ROBO2: variants seen among roughly 807,000 people sequenced by gnomAD.
ROBO2 encodes roundabout guidance receptor 2.
ROBO2 carries 53 observed loss-of-function variants against 160.8 expected under a neutral mutation model. The ratio of observed to expected loss-of-function variants is 0.33; its 90% confidence interval spans 0.26 to 0.41. The LOEUF (loss-of-function observed/expected upper bound fraction) is 0.41. ROBO2 is among the 10% of genes least tolerant of loss of function. The probability of loss-of-function intolerance (pLI) is 1.00; values close to 1 mark genes in which losing one functional copy is unlikely to be tolerated. For missense variants in ROBO2, 1,577 were observed against 1,722.4 expected (o/e 0.92, Z 1.49); for synonymous variants, 664 against 611.7 (o/e 1.09, Z -1.26).
intron 2 of ROBO2, among the ~76,000 whole-genome samples, chr3:76,596,557 A>C (rs911954246): frequency 1.3e-5 from 2 of 152,134 alleles, no homozygotes; most frequent in Admixed American, 1.3e-4. Flanking sequence ...TGTTAAATGT[A>C]GGTGGCAATC....
chr3:77,475,369 C>T (rs925933877), intron 2 of ROBO2, among the ~76,000 whole-genome samples: 3 of 152,016 alleles, frequency 2.0e-5, no homozygotes, highest in Non-Finnish European at 4.4e-5. Context: ...GAGTACCAGT[C>T]CTTATAGTTT....
chr3:77,419,536 CAG>C (rs2077533118), intron 2 of ROBO2, among the ~76,000 whole-genome samples: 1 of 152,110 alleles, frequency 6.6e-6, no homozygotes, highest in Admixed American at 6.6e-5. Flanking sequence ...AGTGCAATGA[CAG>C]AGGAAATGGA....
intron 2 of ROBO2, among the ~76,000 whole-genome samples, chr3:75,964,080 C>T (rs1380314743): frequency 2.0e-5 from 3 of 151,724 alleles, no homozygotes; most frequent in Non-Finnish European, 4.4e-5. Flanking sequence ...CCAGGTTAAT[C>T]ATGTTACTCA....
intron 2 of ROBO2, among the ~76,000 whole-genome samples, chr3:77,002,261 G>A (rs1177499316): frequency 1.3e-5 from 2 of 151,634 alleles, no homozygotes; most frequent in East Asian, 1.9e-4. Flanking sequence ...ATTTATTAAT[G>A]TTATTAGTGT....
chr3:76,627,922 A>T (rs2089764580), intron 2 of ROBO2, among the ~76,000 whole-genome samples: 1 of 152,184 alleles, frequency 6.6e-6, no homozygotes, highest in Non-Finnish European at 1.5e-5. Context: ...TAATCCTAAA[A>T]CTAAGTCTAG....
intron 2 of ROBO2, among the ~76,000 whole-genome samples, chr3:77,022,170 G>A (rs775324428): frequency 2.0e-5 from 3 of 152,334 alleles, no homozygotes; most frequent in Non-Finnish European, 4.4e-5. Context: ...AGGGGTTTGA[G>A]ACCCGCCTGG....
intron 2 of ROBO2, among the ~76,000 whole-genome samples, chr3:76,180,146 C>G (rs1270562785): frequency 1.3e-5 from 2 of 152,066 alleles, no homozygotes; most frequent in Non-Finnish European, 2.9e-5. Context: ...TTGTGAATGC[C>G]CCAACAAGTT....
At chr3:77,151,263 G>C (rs1418723427) in intron 2 of ROBO2, among the ~76,000 whole-genome samples, 1 of 151,960 alleles carries the variant, frequency 6.6e-6, no homozygotes, top group African/African-American at 2.4e-5. Context: ...CAACATTAGA[G>C]CCAAAAATAG....
chr3:76,710,322 T>C (rs2093266330), intron 2 of ROBO2, among the ~76,000 whole-genome samples: 1 of 152,160 alleles, frequency 6.6e-6, no homozygotes, highest in South Asian at 2.1e-4. Context: ...GGTTTCACCA[T>C]GTTGGCCAGG....
intron 2 of ROBO2, among the ~76,000 whole-genome samples, chr3:76,247,997 G>T (rs1051578992): frequency 6.6e-6 from 1 of 151,858 alleles, no homozygotes; most frequent in Non-Finnish European, 1.5e-5. Flanking sequence ...AACAACAGGT[G>T]CTGGAGAGGA....
intron 2 of ROBO2, among the ~76,000 whole-genome samples, chr3:76,081,819 A>G (rs913355037): frequency 3.3e-5 from 5 of 149,332 alleles, no homozygotes; most frequent in Non-Finnish European, 5.9e-5. Context: ...GGAATACAAA[A>G]TGGCACATGT....
chr3:77,602,975 G>C, intron 20 of ROBO2: 1 of 456,834 alleles, frequency 2.2e-6, no homozygotes, highest in Non-Finnish European at 4.4e-6. Context: ...CTGAGGGATT[G>C]TCTAATAGAA....
intron 2 of ROBO2, among the ~76,000 whole-genome samples, chr3:76,558,809 A>G (rs1206828028): frequency 2.6e-5 from 4 of 152,176 alleles, no homozygotes; most frequent in Non-Finnish European, 5.9e-5. Flanking sequence ...TAACAGAATA[A>G]ATCAGTTTGT....
rs368214231 is a variant in ROBO2, at chr3:76,618,654, C to A, written c.110-479360C>A. On this transcript the variant is annotated intron_variant, in intron 2 of 26. Transcript: ENST00000487694. ...TGTTTAGCTTTCTCATATGTGTATT[C>A]TTTTAAAATATTAGAGCATTTCTCT... Among the ~76,000 whole-genome samples, 95 of 151,572 alleles carry A rather than the reference C, an allele frequency of 6.3e-4. 1 individual carries two copies. In the South Asian group the frequency reaches 6.4e-3, roughly 10 times the overall value.
At chr3:76,668,223 T>C (rs1453403983) in intron 2 of ROBO2, among the ~76,000 whole-genome samples, 2 of 151,470 alleles carry the variant, frequency 1.3e-5, no homozygotes, top group African/African-American at 4.9e-5. Context: ...CCTCAGCTTC[T>C]GGAGTAGCTG....
At position 76,716,340 on chromosome 3, in the gene ROBO2, CAA is replaced by C. The variant is rs933265964; in HGVS notation, c.110-381671_110-381670del. On this transcript the variant is annotated intron_variant, in intron 2 of 26. Coordinates refer to the ROBO2 transcript ENST00000487694. ...GAGTAAACATTTGAGCTTAACCCCCCAAAAGAAGAAAAAATGTATATCTTACG... is the reference window on the plus strand; with the variant it reads ...GAGTAAACATTTGAGCTTAACCCCCCAAGAAGAAAAAATGTATATCTTACG... Among the ~76,000 whole-genome samples the C allele has an allele frequency of 7.2e-5, 11 of 152,090 alleles. 1 individual carries two copies. Among genetic ancestry groups the C allele is most frequent in the Admixed American group, 7.2e-4 (11 of 15,270 alleles).
chr3:76,234,720 G>A (rs1704834476), intron 2 of ROBO2, among the ~76,000 whole-genome samples: 4 of 152,106 alleles, frequency 2.6e-5, no homozygotes, highest in Admixed American at 2.6e-4. Flanking sequence ...TCAAATTTAT[G>A]TATATTTGCC....
At chr3:76,882,373 A>G (rs1019286695) in intron 2 of ROBO2, among the ~76,000 whole-genome samples, 11 of 152,168 alleles carry the variant, frequency 7.2e-5, no homozygotes, top group African/African-American at 2.7e-4. Flanking sequence ...AGCTGAGTTT[A>G]TCTTTCTCGG....
chr3:77,248,480 A>G (rs1336575541), intron 2 of ROBO2, among the ~76,000 whole-genome samples: 1 of 152,108 alleles, frequency 6.6e-6, no homozygotes, highest in Non-Finnish European at 1.5e-5. Context: ...GCAGATGGCA[A>G]AGCTCAAAGG....
Sources: gnomAD v4.1 joint callset for allele counts (sites outside exome capture counted in the v4.1 genomes callset) on GRCh38, gnomAD v4.1.1 for gene constraint, MANE v1.5 for transcripts, NCBI Gene and HGNC (gene_info 2026-07-23, HGNC 2026-07-21) for gene names.